Variants in PPP1R16B observed in about 807,000 individuals in gnomAD.
The protein encoded by PPP1R16B is protein phosphatase 1 regulatory inhibitor subunit 16B.
A neutral mutation model predicts 61.7 loss-of-function variants in PPP1R16B; 14 were observed. That is an observed-to-expected ratio of 0.23 (90% CI 0.15 to 0.35). The LOEUF (loss-of-function observed/expected upper bound fraction) is 0.35, where lower values mean the gene tolerates loss of function less well. Among genes scored for constraint, PPP1R16B ranks in the 10% least tolerant of loss-of-function variants. The pLI is 1.00. For missense variants in PPP1R16B, 547 were observed against 752.5 expected, an observed-to-expected ratio of 0.73 and a Z score of 3.19; for synonymous variants, 266 against 305.3, an observed-to-expected ratio of 0.87 and a Z score of 1.34.
chr20:38,865,900 C>T (rs547658514), intron 2 of PPP1R16B, among the ~76,000 whole-genome samples: 2 of 152,072 alleles, frequency 1.3e-5, no homozygotes, highest in South Asian at 2.1e-4. Flanking sequence ...CCGAGTTGGG[C>T]GGATCATGAG....
intron 1 of PPP1R16B, among the ~76,000 whole-genome samples, chr20:38,825,867 G>T (rs921424477): frequency 6.6e-6 from 1 of 152,222 alleles, no homozygotes; most frequent in African/African-American, 2.4e-5. Flanking sequence ...TACTCAGTGT[G>T]CATGCAGCCA....
At chr20:38,841,305 C>T (rs1431650257) in intron 2 of PPP1R16B, among the ~76,000 whole-genome samples, 2 of 137,840 alleles carry the variant, frequency 1.5e-5, no homozygotes, top group Non-Finnish European at 3.0e-5. Context: ...GGTAGAGGAT[C>T]GCTTAAGCCC....
intron 1 of PPP1R16B, among the ~76,000 whole-genome samples, chr20:38,828,078 C>A (rs989553388): frequency 6.6e-6 from 1 of 152,194 alleles, no homozygotes. Flanking sequence ...CTTTGAAACA[C>A]TTTCTGACTC....
chr20:38,895,554 G>C lies in PPP1R16B; in HGVS notation c.322-11G>C, dbSNP rs2085327587. The C allele has an allele frequency of 6.2e-7, 1 of 1,613,132 alleles. No homozygotes were observed. Among genetic ancestry groups the C allele is most frequent in the Non-Finnish European group, 8.5e-7 (1 of 1,179,354 alleles). On this transcript the variant is annotated splice_polypyrimidine_tract_variant and intron_variant, in intron 3 of 10. Transcript: ENST00000299824. ...TGCCTGGAGCTGACTCTGCCTGTGT[G>C]TCTCTCCCAGTGCTGCATCGACAAC... is the stretch of plus-strand genomic sequence containing the variant.
intron 1 of PPP1R16B, among the ~76,000 whole-genome samples, chr20:38,809,571 T>G (rs977605920): frequency 2.6e-5 from 4 of 152,064 alleles, no homozygotes; most frequent in Non-Finnish European, 5.9e-5. Context: ...GGTCTGAATC[T>G]TGAAGCTGCC....
At chr20:38,813,952 A>G (rs1293455413) in intron 1 of PPP1R16B, among the ~76,000 whole-genome samples, 1 of 150,880 alleles carries the variant, frequency 6.6e-6, no homozygotes, top group African/African-American at 2.4e-5. Flanking sequence ...ACCCGCCACC[A>G]CTCCTGGCTA....
At chr20:38,837,937 T>A (rs886718225) in intron 2 of PPP1R16B, among the ~76,000 whole-genome samples, 4 of 152,230 alleles carry the variant, frequency 2.6e-5, no homozygotes, top group African/African-American at 9.6e-5. Context: ...TATCATGATC[T>A]GTACTATGTA....
chr20:38,866,018 G>A (rs1305918443), intron 2 of PPP1R16B, among the ~76,000 whole-genome samples: 1 of 152,024 alleles, frequency 6.6e-6, no homozygotes, highest in African/African-American at 2.4e-5. Flanking sequence ...CAGCTACTCA[G>A]GAGGCTGGGG....
chr20:38,860,951 C>G (rs981517947), intron 2 of PPP1R16B, among the ~76,000 whole-genome samples: 7 of 152,194 alleles, frequency 4.6e-5, no homozygotes, highest in African/African-American at 1.7e-4. Context: ...CACACTGTTA[C>G]TCATGCTCTT....
At chr20:38,841,766 A>C (rs888796962) in intron 2 of PPP1R16B, among the ~76,000 whole-genome samples, 2 of 152,238 alleles carry the variant, frequency 1.3e-5, no homozygotes, top group African/African-American at 4.8e-5. Flanking sequence ...TCAGGGCTTC[A>C]TTCCTTTTCA....
chr20:38,829,010 G>A (rs2084820621), intron 1 of PPP1R16B, among the ~76,000 whole-genome samples: 1 of 152,228 alleles, frequency 6.6e-6, no homozygotes, highest in Non-Finnish European at 1.5e-5. Flanking sequence ...GGTGTACCCT[G>A]CCATACTTTC....
At chr20:38,873,473 G>A (rs1288670397) in intron 2 of PPP1R16B, among the ~76,000 whole-genome samples, 1 of 152,210 alleles carries the variant, frequency 6.6e-6, no homozygotes, top group African/African-American at 2.4e-5. Context: ...ACAGATGTCT[G>A]TGTTCTCACA....
intron 5 of PPP1R16B, among the ~76,000 whole-genome samples, chr20:38,902,161 A>G (rs556608077): frequency 6.6e-6 from 1 of 152,286 alleles, no homozygotes; most frequent in East Asian, 1.9e-4. Flanking sequence ...ACCTCAATTG[A>G]CTCAGCTCTC....
intron 3 of PPP1R16B, among the ~76,000 whole-genome samples, chr20:38,889,959 G>A (rs2085280327): frequency 6.6e-6 from 1 of 152,220 alleles, no homozygotes; most frequent in Non-Finnish European, 1.5e-5. Context: ...AGTGTGTTTG[G>A]AGCTTGACAG....
At chr20:38,868,829 G>A (rs2145742903) in intron 2 of PPP1R16B, among the ~76,000 whole-genome samples, 1 of 152,338 alleles carries the variant, frequency 6.6e-6, no homozygotes, top group Admixed American at 6.5e-5. Flanking sequence ...CTGCAGTCAA[G>A]AGGCAGAATT....
intron 2 of PPP1R16B, among the ~76,000 whole-genome samples, chr20:38,839,799 G>T (rs542004487): frequency 8.5e-4 from 129 of 152,198 alleles, no homozygotes; most frequent in African/African-American, 3.0e-3. Context: ...CCATAGTATG[G>T]ATTACCAGAA....
Position 38,922,872 on chromosome 20 carries a change from C to A in PPP1R16B, c.*4206C>A, listed in dbSNP as rs1004751283. The A allele has an allele frequency of 1.3e-5, 2 of 152,420 alleles. No individual in the cohort carries two copies. Among genetic ancestry groups the A allele is most frequent in the African/African-American group, 4.8e-5 (2 of 41,474 alleles). 9.4% of individuals were successfully genotyped at this position (152,420 alleles called of 1,614,324 possible). ...GTAACTTCCACGTAGCCCCTTGCCA[C>A]GCGGCACCGGTGGGCCTTGGGTCCA... is the stretch of plus-strand genomic sequence containing the variant. On this transcript the variant is annotated 3_prime_UTR_variant, in exon 11 of 11. Coordinates refer to ENST00000299824, the MANE Select transcript of PPP1R16B (RefSeq NM_015568.4).
intron 1 of PPP1R16B, among the ~76,000 whole-genome samples, chr20:38,830,782 T>A (rs2145716383): frequency 6.6e-6 from 1 of 152,348 alleles, no homozygotes; most frequent in South Asian, 2.1e-4. Context: ...CTTGTTCCTG[T>A]ACTTTTGAAA....
In PPP1R16B at chr20:38,883,100, G is replaced by T. The variant is rs184146665; in HGVS notation, c.251-6495G>T. ...GGAAAGGAAGGAAGAGAGATAGGAG[G>T]GCAGGCCTTGTGAGTGAACCTGACC... On this transcript the variant is annotated intron_variant, in intron 2 of 10. Coordinates refer to ENST00000299824, the MANE Select transcript of PPP1R16B (RefSeq NM_015568.4). 1.3e-3 allele frequency among the ~76,000 whole-genome samples: 203 copies of T among 152,206 alleles called. 1 individual carries two copies. Among genetic ancestry groups the T allele is most frequent in the Non-Finnish European group, 1.2e-3 (84 of 68,010 alleles).
Sources: allele counts gnomAD v4.1 joint callset (sites outside exome capture counted in the v4.1 genomes callset), GRCh38; gene constraint gnomAD v4.1.1; transcripts MANE v1.5; gene names NCBI Gene and HGNC (gene_info 2026-07-23, HGNC 2026-07-21).